The following COL5A2 variants were observed in gnomAD, a reference collection of about 807,000 sequenced individuals.
The protein encoded by COL5A2 is collagen type V alpha 2 chain.
A neutral mutation model predicts 208.2 loss-of-function variants in COL5A2; 23 were observed. The ratio of observed to expected loss-of-function variants is 0.11; its 90% CI spans 0.08 to 0.16. COL5A2 has a LOEUF of 0.16. Among genes scored for constraint, COL5A2 ranks in the 10% least tolerant of loss-of-function variants. The pLI, the probability that COL5A2 is intolerant of heterozygous loss-of-function variation, is 1.00. For synonymous variants in COL5A2, 625 were observed against 628.5 expected (o/e 0.99, Z 0.08); for missense variants, 1,590 against 1,956.4 (o/e 0.81, Z 3.53).
the COL5A2 span, among the ~76,000 whole-genome samples, chr2:189,324,592 A>G: frequency 1.5e-5 from 1 of 65,138 alleles, no homozygotes; most frequent in African/African-American, 3.8e-5. Context: ...CCATGAGAGA[A>G]ATGCAAATCT....
the COL5A2 span, among the ~76,000 whole-genome samples, chr2:189,305,963 A>G: frequency 6.6e-6 from 1 of 152,134 alleles, no homozygotes; most frequent in African/African-American, 2.4e-5. Context: ...TTTACAGGAG[A>G]AAAGTGTGGA....
chr2:189,078,564 C>T lies in COL5A2; in HGVS notation c.1011G>A (p.Pro337=), dbSNP rs762983955. 9 of 1,612,250 alleles carry T rather than the reference C, an allele frequency of 5.6e-6. No homozygotes were observed. The highest frequency in any genetic ancestry group is 2.2e-5 in the East Asian group (1 of 44,866). ...GPMGAMGPLG[P]RGMPGERGRL... ...TCCCTCTCTCTCCTGGCATTCCCCTCGGACCCTATAGACGATAGAGAAGAA... is the reference window on the plus strand; with the variant it reads ...TCCCTCTCTCTCCTGGCATTCCCCTTGGACCCTATAGACGATAGAGAAGAA... Residue 337 remains proline, a synonymous_variant, in exon 16 of 54, where the codon CCG becomes CCA. Coordinates refer to ENST00000374866, the MANE Select transcript of COL5A2 (RefSeq NM_000393.5).
chr2:189,372,035 C>A, the COL5A2 span, among the ~76,000 whole-genome samples: 1 of 152,176 alleles, frequency 6.6e-6, no homozygotes, highest in East Asian at 1.9e-4. Context: ...GGGGCCAGGC[C>A]CAGGGCCCCA....
intron 2 of COL5A2, 129 bp from the exon 3 acceptor site, chr2:189,104,406 C>T (rs1687110902): frequency 1.4e-6 from 1 of 698,980 alleles, no homozygotes; most frequent in Non-Finnish European, 2.6e-6. Flanking sequence ...ACACTATCAG[C>T]AGTAAGCAGA....
the COL5A2 span, among the ~76,000 whole-genome samples, chr2:189,235,246 T>G: frequency 6.6e-6 from 1 of 151,760 alleles, no homozygotes; most frequent in African/African-American, 2.4e-5. Flanking sequence ...AGTACATATT[T>G]TTAATTGTTT....
Position 189,124,508 on chromosome 2 carries a change from C to T in COL5A2, c.98-14059G>A, listed in dbSNP as rs148523838. 8.5e-4 allele frequency among the ~76,000 whole-genome samples: 129 copies of T among 152,130 alleles called. 1 individual carries two copies. The highest frequency in any genetic ancestry group is 2.6e-3 in the African/African-American group (110 of 41,514). ...AGCTTGCATTATATAAACATGACTCCGTTCAGCAAACAGAATGCACCATGC... is the reference window on the plus strand; with the variant it reads ...AGCTTGCATTATATAAACATGACTCTGTTCAGCAAACAGAATGCACCATGC... On this transcript the variant is annotated intron_variant, in intron 1 of 53. Coordinates refer to ENST00000374866, the MANE Select transcript of COL5A2 (RefSeq NM_000393.5).
chr2:189,063,904 C>A, intron 26 of COL5A2, 76 bp downstream of exon 26: 1 of 1,180,592 alleles, frequency 8.5e-7, no homozygotes, highest in Non-Finnish European at 1.3e-6. Flanking sequence ...AAAACATTAA[C>A]CTAAATAAAT....
rs775122022 is a variant in COL5A2 at position 189,034,777 on chromosome 2, T to G, written c.4353+139A>C. On this transcript the variant is annotated intron_variant, in intron 53 of 53. Transcript: ENST00000374866. ...TGTGCTAACACACACACATTTACCC[T>G]AAGGAATGACTATAAACAAACTGCT... The G allele has an allele frequency of 4.2e-6, 4 of 943,040 alleles. No homozygotes were observed. In the East Asian group the frequency reaches 1.0e-4, roughly 25 times the overall value. 58.4% of individuals were successfully genotyped at this position (943,040 alleles called of 1,614,324 possible).
chr2:189,152,051 G>A (rs543899394), intron 1 of COL5A2, among the ~76,000 whole-genome samples: 1 of 152,066 alleles, frequency 6.6e-6, no homozygotes, highest in South Asian at 2.1e-4. Flanking sequence ...AATATGAACA[G>A]AATTCTTCAA....
At chr2:189,436,295 T>C in the COL5A2 span, among the ~76,000 whole-genome samples, 5 of 151,988 alleles carry the variant, frequency 3.3e-5, no homozygotes, top group African/African-American at 1.2e-4. Context: ...GGGATCTAAT[T>C]AAACTAAAGA....
Position 189,066,370 on chromosome 2 carries a change from G to T in COL5A2, c.1563+20C>A. On this transcript the variant is annotated intron_variant, in intron 23 of 53. Coordinates refer to ENST00000374866, the MANE Select transcript of COL5A2 (RefSeq NM_000393.5). ...AATTCCCTCACAACTGTAAGAATGT[G>T]TTGTATTATTTAAATTTACCCTTTC... is the stretch of plus-strand genomic sequence containing the variant. 2 of 1,580,394 alleles carry T rather than the reference G, an allele frequency of 1.3e-6. No individual in the cohort carries two copies. Among genetic ancestry groups the T allele is most frequent in the South Asian group, 1.1e-5 (1 of 90,380 alleles).
the COL5A2 span, among the ~76,000 whole-genome samples, chr2:189,316,159 T>G: frequency 1.3e-5 from 2 of 152,250 alleles, no homozygotes; most frequent in South Asian, 4.1e-4. Context: ...CACATGCACA[T>G]GTATGTTCCT....
chr2:189,211,163 T>A (rs1311129481), intron 1 of COL5A2, among the ~76,000 whole-genome samples: 1 of 152,216 alleles, frequency 6.6e-6, no homozygotes, highest in Non-Finnish European at 1.5e-5. Flanking sequence ...AGTTATGATT[T>A]GTTTAACAGG....
intron 1 of COL5A2, among the ~76,000 whole-genome samples, chr2:189,176,582 C>G (rs2105826671): frequency 6.6e-6 from 1 of 152,238 alleles, no homozygotes; most frequent in Non-Finnish European, 1.5e-5. Context: ...ATATATATAG[C>G]TCACTAGATG....
At chr2:189,421,000 T>C in the COL5A2 span, among the ~76,000 whole-genome samples, 1 of 152,216 alleles carries the variant, frequency 6.6e-6, no homozygotes, top group Non-Finnish European at 1.5e-5. Flanking sequence ...TGCTATTGTT[T>C]AATACTAAAG....
At chr2:189,175,168 GCCAGCACCAC>G (rs1688651790) in intron 1 of COL5A2, among the ~76,000 whole-genome samples, 1 of 152,084 alleles carries the variant, frequency 6.6e-6, no homozygotes, top group South Asian at 2.1e-4. Context: ...AGAGTATATT[GCCAGCACCAC>G]CCAGGTAAGG....
At chr2:189,303,620 T>C in the COL5A2 span, among the ~76,000 whole-genome samples, 1 of 152,214 alleles carries the variant, frequency 6.6e-6, no homozygotes, top group Non-Finnish European at 1.5e-5. Flanking sequence ...CCTAGCTTAA[T>C]AGTCAGACAA....
At chr2:189,051,182 A>G (rs906393526) in intron 42 of COL5A2, 138 bp downstream of exon 42, 2 of 993,440 alleles carry the variant, frequency 2.0e-6, no homozygotes, top group African/African-American at 3.2e-5. Flanking sequence ...CTAAAGCCTT[A>G]TAGATTTAAT....
chr2:189,167,664 A>T (rs374483500), intron 1 of COL5A2, among the ~76,000 whole-genome samples: 1 of 140,130 alleles, frequency 7.1e-6, no homozygotes, highest in Non-Finnish European at 1.5e-5. Context: ...GAAAGAAGTG[A>T]TTTTTTTTTT....
Sources: allele counts gnomAD v4.1 joint callset (sites outside exome capture counted in the v4.1 genomes callset), GRCh38; gene constraint gnomAD v4.1.1; transcripts MANE v1.5; gene names NCBI Gene and HGNC (gene_info 2026-07-23, HGNC 2026-07-21).